Variants in CAMK1D observed in about 807,000 individuals in gnomAD.
CAMK1D encodes the protein calcium/calmodulin-dependent protein kinase type 1D.
CAMK1D carries 9 observed loss-of-function variants against 47.7 expected under a neutral mutation model. The observed-to-expected ratio is 0.19, with a 90% CI of 0.11 to 0.33. The LOEUF (loss-of-function observed/expected upper bound fraction) is 0.33. CAMK1D is among the 10% of genes least tolerant of loss of function. CAMK1D has a pLI of 1.00. For missense variants in CAMK1D, 291 were observed against 488.7 expected (o/e 0.60, Z 3.81); for synonymous variants, 184 against 184.9 (o/e 0.99, Z 0.04).
rs1032579057 is a variant in CAMK1D at position 12,777,867 on chromosome 10, C to G, written c.565+8068C>G. ...CCATTTTGAACCTTGAGCAAAGAAA[C>G]TGCTGGAAAGTTTTCCATCTGAGCA... On this transcript the variant is annotated intron_variant, in intron 5 of 10. Coordinates refer to ENST00000619168, the MANE Select transcript of CAMK1D (RefSeq NM_153498.4). Among the ~76,000 whole-genome samples the G allele has an allele frequency of 2.5e-4, 38 of 152,242 alleles. 1 individual carries two copies. Among genetic ancestry groups the G allele is most frequent in the African/African-American group, 8.4e-4 (35 of 41,466 alleles).
In CAMK1D at chr10:12,488,541, G is replaced by T. The variant is rs11257825; in HGVS notation, c.93-64684G>T. Among the ~76,000 whole-genome samples the T allele has an allele frequency of 7.2e-5, 11 of 152,174 alleles. No homozygotes were observed. The East Asian group carries it at 2.1e-3, about 29-fold the overall frequency. On this transcript the variant is annotated intron_variant, in intron 1 of 10. Transcript: ENST00000619168. ...TGGACTGGGATGGGGGATGGTTTCG[G>T]GATGATTCAAGCACATGACATTTAT... is the stretch of plus-strand genomic sequence containing the variant.
intron 6 of CAMK1D, among the ~76,000 whole-genome samples, chr10:12,804,731 C>A (rs1025945256): frequency 6.8e-6 from 1 of 147,804 alleles, no homozygotes; most frequent in Non-Finnish European, 1.5e-5. Context: ...CCTAGGAGTT[C>A]GAGACCAGCC....
intron 3 of CAMK1D, among the ~76,000 whole-genome samples, chr10:12,676,813 AAGC>A (rs1840824388): frequency 6.6e-6 from 1 of 152,212 alleles, no homozygotes; most frequent in African/African-American, 2.4e-5. Flanking sequence ...AGTATTTAAA[AAGC>A]AGAGCTCACC....
chr10:12,400,570 G>A (rs766099232), intron 1 of CAMK1D, among the ~76,000 whole-genome samples: 3 of 152,120 alleles, frequency 2.0e-5, no homozygotes, highest in African/African-American at 4.8e-5. Flanking sequence ...CTTAATAGCC[G>A]CTAGCTCTAC....
intron 3 of CAMK1D, among the ~76,000 whole-genome samples, chr10:12,714,786 A>ACACG (rs1224166552): frequency 2.4e-4 from 37 of 151,678 alleles, no homozygotes; most frequent in Admixed American, 2.2e-3. Flanking sequence ...ACACACACAC[A>ACACG]CACACACACA....
At chr10:12,536,149 A>G (rs1835963207) in intron 1 of CAMK1D, among the ~76,000 whole-genome samples, 2 of 152,176 alleles carry the variant, frequency 1.3e-5, no homozygotes, top group African/African-American at 2.4e-5. Context: ...AAGTGTAGAA[A>G]AATAAGTGAA....
At chr10:12,402,369 G>T (rs1039663410) in intron 1 of CAMK1D, among the ~76,000 whole-genome samples, 8 of 150,396 alleles carry the variant, frequency 5.3e-5, no homozygotes, top group Non-Finnish European at 1.0e-4. Flanking sequence ...GGGTAGCTGG[G>T]ACCACAGGCG....
Position 12,574,366 on chromosome 10 carries a change from A to G in CAMK1D, c.224+21010A>G, listed in dbSNP as rs186719196. ...GCCTGGGCTGGAGTGCAGTGGTGCA[A>G]TGTCAGCTCACTGCAACCTCTGCTT... On this transcript the variant is annotated intron_variant, in intron 2 of 10. Transcript: ENST00000619168. Among the ~76,000 whole-genome samples the G allele has an allele frequency of 6.6e-5, 10 of 150,720 alleles. No homozygotes were observed. In the East Asian group the frequency reaches 9.7e-4, roughly 15 times the overall value.
chr10:12,565,082 G>T (rs1227352964), intron 2 of CAMK1D, among the ~76,000 whole-genome samples: 2 of 152,054 alleles, frequency 1.3e-5, no homozygotes, highest in Non-Finnish European at 2.9e-5. Flanking sequence ...GTAGTGGCAT[G>T]TGCCTGTAGT....
chr10:12,646,346 A>G (rs921645765), intron 2 of CAMK1D, among the ~76,000 whole-genome samples: 3 of 152,232 alleles, frequency 2.0e-5, no homozygotes, highest in African/African-American at 7.2e-5. Flanking sequence ...ATCTTGTTAT[A>G]TAGCTTGTAT....
chr10:12,362,872 C>T (rs1401805409), intron 1 of CAMK1D, among the ~76,000 whole-genome samples: 3 of 151,606 alleles, frequency 2.0e-5, no homozygotes, highest in Non-Finnish European at 2.9e-5. Context: ...TCTCAATCTC[C>T]TGACCTTGTG....
intron 2 of CAMK1D, among the ~76,000 whole-genome samples, chr10:12,638,792 A>C (rs1333061570): frequency 6.6e-6 from 1 of 152,184 alleles, no homozygotes; most frequent in Non-Finnish European, 1.5e-5. Flanking sequence ...CACCAAATCT[A>C]TAAATGTGGA....
At chr10:12,773,632 C>A (rs1446196257) in intron 5 of CAMK1D, among the ~76,000 whole-genome samples, 1 of 152,196 alleles carries the variant, frequency 6.6e-6, no homozygotes, top group African/African-American at 2.4e-5. Flanking sequence ...GTGGCTCATG[C>A]CTGTAATCCC....
At chr10:12,667,184 C>T (rs1840461051) in intron 3 of CAMK1D, among the ~76,000 whole-genome samples, 1 of 152,258 alleles carries the variant, frequency 6.6e-6, no homozygotes, top group African/African-American at 2.4e-5. Context: ...GAGAAACTCC[C>T]ACCCTTGTCA....
chr10:12,417,958 C>T (rs1414553931), intron 1 of CAMK1D, among the ~76,000 whole-genome samples: 4 of 152,080 alleles, frequency 2.6e-5, no homozygotes, highest in Non-Finnish European at 5.9e-5. Context: ...CCTGCCACCA[C>T]ACCCGGCTAA....
At chr10:12,816,745 G>T (rs747452341) in intron 8 of CAMK1D, among the ~76,000 whole-genome samples, 1 of 151,778 alleles carries the variant, frequency 6.6e-6, no homozygotes, top group African/African-American at 2.4e-5. Flanking sequence ...GGTGGCGCGC[G>T]CCTGTAATCC....
chr10:12,460,214 A>G (rs574156026), intron 1 of CAMK1D, among the ~76,000 whole-genome samples: 1 of 152,278 alleles, frequency 6.6e-6, no homozygotes, highest in South Asian at 2.1e-4. Flanking sequence ...GAAATGCACA[A>G]AAAGGTGGTA....
chr10:12,715,088 A>G (rs776066188), intron 3 of CAMK1D, among the ~76,000 whole-genome samples: 10 of 151,930 alleles, frequency 6.6e-5, no homozygotes, highest in Non-Finnish European at 1.5e-4. Context: ...CCACTCACCA[A>G]TCCCCTCAGA....
chr10:12,729,621 CCT>C (rs1460376162), intron 3 of CAMK1D, among the ~76,000 whole-genome samples: 25 of 152,016 alleles, frequency 1.6e-4, no homozygotes, highest in Admixed American at 1.2e-3. Context: ...AGAATGAGAC[CCT>C]GTCTCAAAAA....
Sources: gnomAD v4.1 joint callset for allele counts (sites outside exome capture counted in the v4.1 genomes callset) on GRCh38, gnomAD v4.1.1 for gene constraint, MANE v1.5 for transcripts, NCBI Gene and HGNC (gene_info 2026-07-23, HGNC 2026-07-21) for gene names.